Variants in NRG1 observed in about 807,000 individuals in gnomAD.
NRG1 encodes the protein neuregulin 1.
In NRG1, 18 loss-of-function variants were observed where a neutral mutation model predicts 63.8. That is an observed-to-expected ratio of 0.28 (90% CI 0.19 to 0.42). NRG1 has a LOEUF of 0.42. Among genes scored for constraint, NRG1 ranks in the 10% least tolerant of loss-of-function variants. The probability of loss-of-function intolerance (pLI) is 1.00; values close to 1 mark genes in which losing one functional copy is unlikely to be tolerated. For synonymous variants in NRG1, 302 were observed against 301.3 expected (o/e 1.00, Z -0.02); for missense variants, 762 against 814.7 (o/e 0.94, Z 0.79).
intron 1 of NRG1, among the ~76,000 whole-genome samples, chr8:31,847,222 G>A (rs1402286394): frequency 6.6e-6 from 1 of 152,042 alleles, no homozygotes; most frequent in African/African-American, 2.4e-5. Flanking sequence ...TTTAACTTAT[G>A]CCAACAACAT....
chr8:32,399,008 G>A (rs960036077), intron 1 of NRG1, among the ~76,000 whole-genome samples: 5 of 151,806 alleles, frequency 3.3e-5, no homozygotes, highest in African/African-American at 4.8e-5. Flanking sequence ...CATTTATTTT[G>A]TACGAATGTA....
intron 1 of NRG1, among the ~76,000 whole-genome samples, chr8:32,454,522 A>C (rs1234289689): frequency 6.6e-6 from 1 of 151,888 alleles, no homozygotes; most frequent in Non-Finnish European, 1.5e-5. Context: ...TAAGAAAAAA[A>C]ACCGACATTG....
At chr8:32,370,265 G>T (rs773778540) in intron 1 of NRG1, among the ~76,000 whole-genome samples, 4 of 152,164 alleles carry the variant, frequency 2.6e-5, no homozygotes, top group Non-Finnish European at 4.4e-5. Flanking sequence ...AGTCATATAG[G>T]TTTAAAATAT....
At chr8:32,037,026 A>C (rs1023682836) in intron 1 of NRG1, among the ~76,000 whole-genome samples, 1 of 152,176 alleles carries the variant, frequency 6.6e-6, no homozygotes, top group Non-Finnish European at 1.5e-5. Context: ...TGGCTTTTTG[A>C]GTTTTCAATG....
intron 1 of NRG1, among the ~76,000 whole-genome samples, chr8:31,643,261 C>G (rs562414503): frequency 6.6e-4 from 100 of 152,296 alleles, no homozygotes; most frequent in African/African-American, 2.3e-3. Context: ...TGGTTGTGTG[C>G]AGGCTTGAGC....
intron 1 of NRG1, among the ~76,000 whole-genome samples, chr8:32,277,825 C>A (rs576637192): frequency 1.5e-4 from 23 of 152,308 alleles, no homozygotes; most frequent in South Asian, 1.4e-3. Context: ...TTGAGAAACC[C>A]TGGCCTTCTG....
intron 1 of NRG1, among the ~76,000 whole-genome samples, chr8:32,515,797 T>C (rs2129503682): frequency 6.6e-6 from 1 of 152,322 alleles, no homozygotes; most frequent in Admixed American, 6.5e-5. Context: ...AAGTTCTTTA[T>C]AGAATCTTGA....
At chr8:32,386,142 C>T (rs140165774) in intron 1 of NRG1, among the ~76,000 whole-genome samples, 13 of 152,300 alleles carry the variant, frequency 8.5e-5, no homozygotes, top group East Asian at 1.9e-4. Flanking sequence ...CACTCTGTTG[C>T]TCAGGCTGGA....
intron 1 of NRG1, among the ~76,000 whole-genome samples, chr8:32,311,951 C>T (rs370637427): frequency 1.5e-4 from 23 of 152,210 alleles, no homozygotes; most frequent in African/African-American, 3.6e-4. Context: ...CTTCCGATTT[C>T]TTTTTTCTCT....
rs1222113016 is a variant in NRG1 at position 32,548,385 on chromosome 8, A to G, written c.-342A>G. ...GCGGCTGCCGGACGATGGGAGCGTG[A>G]GCAGGACGGTGATAACCTCTCCCCG... On this transcript the variant is annotated 5_prime_UTR_variant, in exon 1 of 12. The change abolishes the stop of an existing upstream ORF in the 5' untranslated region. Coordinates refer to ENST00000356819, the Ensembl canonical transcript of NRG1. 1.9e-6 allele frequency: 2 copies of G among 1,048,858 alleles called. No homozygotes were observed. The highest frequency in any genetic ancestry group is 2.3e-6 in the Non-Finnish European group (2 of 871,694). 65.0% of individuals were successfully genotyped at this position (1,048,858 alleles called of 1,614,324 possible). A position where few individuals can be genotyped will look rare whatever the true frequency, so the allele number is the denominator to read the frequency against.
At chr8:32,558,391 G>A (rs531647098) in intron 1 of NRG1, among the ~76,000 whole-genome samples, 1 of 152,218 alleles carries the variant, frequency 6.6e-6, no homozygotes, top group Non-Finnish European at 1.5e-5. Context: ...ACATGTTTCA[G>A]TGCCTTCGTT....
At chr8:32,763,689 T>A in intron 11 of NRG1, 59 bp from the exon 12 acceptor site, 2 of 1,472,342 alleles carry the variant, frequency 1.4e-6, no homozygotes, top group East Asian at 4.6e-5. Context: ...CCCCTTACCT[T>A]CCCTGCTATG....
At position 32,322,656 on chromosome 8, in the gene NRG1, T is replaced by C. The variant is rs866820180; in HGVS notation, c.38-273172T>C. ...CACTGCTGGCCTGTCCTGCAGGCTC[T>C]TGTGGTGATCATTATAAAAGCCAGC... On this transcript the variant is annotated intron_variant, in intron 1 of 10. Coordinates refer to the NRG1 transcript ENST00000519301. Among the ~76,000 whole-genome samples the C allele has an allele frequency of 1.1e-4, 17 of 152,146 alleles. No individual in the cohort carries two copies. The Middle Eastern group carries it at 0.01, about 91-fold the overall frequency.
chr8:32,361,123 G>A (rs995159166), intron 1 of NRG1, among the ~76,000 whole-genome samples: 1 of 152,024 alleles, frequency 6.6e-6, no homozygotes, highest in Admixed American at 6.6e-5. Context: ...ATATAGTAAG[G>A]GGTTCTTCAA....
At chr8:32,385,238 G>A (rs1810857154) in intron 1 of NRG1, among the ~76,000 whole-genome samples, 1 of 152,016 alleles carries the variant, frequency 6.6e-6, no homozygotes, top group Admixed American at 6.6e-5. Context: ...ATGTTAGCCA[G>A]GATCGTCTCG....
intron 1 of NRG1, among the ~76,000 whole-genome samples, chr8:31,666,604 T>C (rs1242963002): frequency 1.3e-5 from 2 of 152,246 alleles, no homozygotes; most frequent in Non-Finnish European, 2.9e-5. Context: ...ATTACTTTGA[T>C]GGTTGGCTGT....
chr8:32,361,949 G>A (rs897871765), intron 1 of NRG1, among the ~76,000 whole-genome samples: 2 of 152,076 alleles, frequency 1.3e-5, no homozygotes, highest in East Asian at 1.9e-4. Context: ...TGCCCAAGTA[G>A]GGTCCTGCTT....
upstream of NRG1, among the ~76,000 whole-genome samples, chr8:32,545,693 A>G (rs923936383): frequency 6.6e-6 from 1 of 152,210 alleles, no homozygotes; most frequent in Non-Finnish European, 1.5e-5. Flanking sequence ...CTGGCCATAA[A>G]TAATGTAATA....
chr8:32,468,726 T>G (rs1385560594), intron 1 of NRG1, among the ~76,000 whole-genome samples: 2 of 30,260 alleles, frequency 6.6e-5, no homozygotes. Flanking sequence ...ATTACAGTTT[T>G]TTTTTTTTTT....
Sources: allele counts gnomAD v4.1 joint callset (sites outside exome capture counted in the v4.1 genomes callset), GRCh38; gene constraint gnomAD v4.1.1; transcripts MANE v1.5; gene names NCBI Gene and HGNC (gene_info 2026-07-23, HGNC 2026-07-21).